The following GAREM1 variants were observed in gnomAD, a reference collection of about 807,000 sequenced individuals.
The protein encoded by GAREM1 is GRB2 associated regulator of MAPK1 subtype 1, also known as GRB2-associated and regulator of MAPK protein 1.
GAREM1 carries 26 observed loss-of-function variants against 71.3 expected under a neutral mutation model. The observed-to-expected ratio is 0.36, with a 90% CI of 0.27 to 0.51. The LOEUF is 0.51. Ranked by LOEUF, GAREM1 falls within the 20% of genes least tolerant of loss-of-function variation. The pLI is 0.95. For synonymous variants in GAREM1, 440 were observed against 433.2 expected (o/e 1.02, Z -0.20); for missense variants, 1,026 against 1,103.1 (o/e 0.93, Z 0.99).
chr18:32,415,052 G>A (rs762084246), intron 1 of GAREM1, among the ~76,000 whole-genome samples: 43 of 152,038 alleles, frequency 2.8e-4, no homozygotes, highest in Non-Finnish European at 5.0e-4. Context: ...AAATTCAAAG[G>A]ATCATTAGTG....
Position 32,408,412 on chromosome 18 carries a change from G to C in GAREM1, c.122-15377C>G, listed in dbSNP as rs141522193. 5.7e-3 allele frequency among the ~76,000 whole-genome samples: 869 copies of C among 152,212 alleles called. 11 individuals are homozygous for C. The highest frequency in any genetic ancestry group is 0.02 in the African/African-American group (813 of 41,530). On this transcript the variant is annotated intron_variant, in intron 1 of 5. Coordinates refer to ENST00000269209, the MANE Select transcript of GAREM1 (RefSeq NM_001242409.2). ...TAAGTCAGGAGCATAAGTCTAAATG[G>C]GGTGATATCAAGTATCCCTAATGCA...
intron 4 of GAREM1, 60 bp from the exon 5 acceptor site, chr18:32,270,443 C>A: frequency 6.9e-7 from 1 of 1,455,348 alleles, no homozygotes; most frequent in Non-Finnish European, 9.3e-7. Flanking sequence ...GGGGCGCCAG[C>A]TCAATCCTGA....
chr18:32,437,959 CT>C (rs2048695221), intron 1 of GAREM1, among the ~76,000 whole-genome samples: 1 of 152,134 alleles, frequency 6.6e-6, no homozygotes, highest in Non-Finnish European at 1.5e-5. Flanking sequence ...TTGAACTGAT[CT>C]CTTTAAAATG....
At chr18:32,311,834 G>C (rs567813986) in intron 2 of GAREM1, among the ~76,000 whole-genome samples, 3 of 152,226 alleles carry the variant, frequency 2.0e-5, no homozygotes, top group Non-Finnish European at 4.4e-5. Context: ...GGATTTGAGC[G>C]GAGAGCTGGT....
chr18:32,381,091 CT>C (rs1206854060), intron 2 of GAREM1, among the ~76,000 whole-genome samples: 2 of 151,838 alleles, frequency 1.3e-5, no homozygotes, highest in Non-Finnish European at 1.5e-5. Flanking sequence ...TGGTATCAAT[CT>C]TTTAGAGCCT....
At chr18:32,433,231 G>C (rs1417137568) in intron 1 of GAREM1, among the ~76,000 whole-genome samples, 1 of 150,240 alleles carries the variant, frequency 6.7e-6, no homozygotes, top group Non-Finnish European at 1.5e-5. Flanking sequence ...ATACCTTTAT[G>C]ATTAAAAAAC....
At chr18:32,339,660 C>A (rs147258023) in intron 2 of GAREM1, among the ~76,000 whole-genome samples, 1 of 152,238 alleles carries the variant, frequency 6.6e-6, no homozygotes, top group Non-Finnish European at 1.5e-5. Flanking sequence ...AATTCCTCTA[C>A]GATGCCTTGC....
At chr18:32,412,593 C>T in intron 1 of GAREM1, 2 of 1,529,346 alleles carry the variant, frequency 1.3e-6, no homozygotes, top group Non-Finnish European at 1.8e-6. Flanking sequence ...ACCACTTCGA[C>T]CTCTTTGGCT....
intron 1 of GAREM1, among the ~76,000 whole-genome samples, chr18:32,410,351 T>C (rs901384337): frequency 3.3e-5 from 5 of 152,162 alleles, no homozygotes; most frequent in African/African-American, 1.2e-4. Context: ...TTTACTTATA[T>C]TTATTTATAT....
chr18:32,441,229 A>G (rs1411986398), intron 1 of GAREM1, among the ~76,000 whole-genome samples: 16 of 152,166 alleles, frequency 1.1e-4, no homozygotes, highest in Non-Finnish European at 1.9e-4. Flanking sequence ...AAGACAATAT[A>G]TATTTTAACT....
In GAREM1 at chr18:32,395,885, C is replaced by G. The variant is rs188379811; in HGVS notation, c.122-2850G>C. Among the ~76,000 whole-genome samples the G allele has an allele frequency of 1.7e-3, 257 of 152,264 alleles. 2 individuals are homozygous for G. Among genetic ancestry groups the G allele is most frequent in the South Asian group, 2.9e-3 (14 of 4,826 alleles). On this transcript the variant is annotated intron_variant, in intron 1 of 5. Coordinates refer to ENST00000269209, the MANE Select transcript of GAREM1 (RefSeq NM_001242409.2). ...GCCTCCTCAAGTGGGTCCCTGACCC[C>G]CAAGTAGCTTAACTGGGAAGCACCC...
intron 1 of GAREM1, among the ~76,000 whole-genome samples, chr18:32,419,069 T>C (rs2048495395): frequency 6.6e-6 from 1 of 152,202 alleles, no homozygotes; most frequent in Non-Finnish European, 1.5e-5. Flanking sequence ...TTGTTAAGAC[T>C]GAAGTCCCTG....
chr18:32,456,483 T>G (rs972187565), intron 1 of GAREM1, among the ~76,000 whole-genome samples: 1 of 152,150 alleles, frequency 6.6e-6, no homozygotes, highest in Non-Finnish European at 1.5e-5. Context: ...ACATCCATGA[T>G]AGAAATGAGA....
Position 32,267,982 on chromosome 18 carries a change from C to T in GAREM1, c.2520G>A (p.Gly840=). 6.2e-7 allele frequency: 1 copy of T among 1,613,930 alleles called. No individual in the cohort carries two copies. The highest frequency in any genetic ancestry group is 1.3e-5 in the African/African-American group (1 of 75,026). The stretch of plus-strand genomic sequence containing the variant: ...CTTCCGTTAGCTGAACAAGCAGGTT[C>T]CCATCAATCTTTTCAGTAACAAAGA... ...ISFFVTEKID[G]NLLVQLTEEI... The change falls in exon 6 of 6, where the codon GGG becomes GGA. Residue 840 remains glycine, a synonymous_variant. Transcript: ENST00000269209.
At chr18:32,324,665 T>A (rs1402741304) in intron 2 of GAREM1, among the ~76,000 whole-genome samples, 1 of 152,174 alleles carries the variant, frequency 6.6e-6, no homozygotes, top group Non-Finnish European at 1.5e-5. Flanking sequence ...TATGGGAAAG[T>A]TAGCAAAGAC....
rs35881689 is a variant in GAREM1 at position 32,380,474 on chromosome 18, T to TAA, written c.262+12419_262+12420dup. ...CTGGGCGACAGAGTGAGACTTCATT[T>TAA]AAAAAAAAAAAAAAAAAAAAAAAAG... On this transcript the variant is annotated intron_variant, in intron 2 of 5. Coordinates refer to ENST00000269209, the MANE Select transcript of GAREM1 (RefSeq NM_001242409.2). Among the ~76,000 whole-genome samples, 455 of 92,386 alleles carry TAA rather than the reference T, an allele frequency of 4.9e-3. 4 individuals carry two copies. The highest frequency in any genetic ancestry group is 0.018 in the East Asian group (59 of 3,212). The allele number at this position is 92,386 out of a possible 152,430, so 60.6% of individuals were successfully genotyped here. A position where few individuals can be genotyped will look rare whatever the true frequency, so the allele number is the denominator to read the frequency against.
chr18:32,326,199 C>T (rs1041264254), intron 2 of GAREM1, among the ~76,000 whole-genome samples: 1 of 152,144 alleles, frequency 6.6e-6, no homozygotes, highest in Non-Finnish European at 1.5e-5. Context: ...TGGCTCACTG[C>T]CACCGGGTTG....
chr18:32,334,634 G>C (rs2047571251), intron 2 of GAREM1, among the ~76,000 whole-genome samples: 2 of 152,214 alleles, frequency 1.3e-5, no homozygotes, highest in Non-Finnish European at 2.9e-5. Flanking sequence ...GGCACAGGCA[G>C]TCCTGACACG....
intron 1 of GAREM1, among the ~76,000 whole-genome samples, chr18:32,398,022 G>A (rs563258991): frequency 8.5e-5 from 13 of 152,190 alleles, no homozygotes; most frequent in South Asian, 8.3e-4. Flanking sequence ...ACTCAAAACC[G>A]CTCAACTACA....
Sources: allele counts gnomAD v4.1 joint callset (sites outside exome capture counted in the v4.1 genomes callset), GRCh38; gene constraint gnomAD v4.1.1; transcripts MANE v1.5; gene names NCBI Gene and HGNC (gene_info 2026-07-23, HGNC 2026-07-21).